MARCHF1: variants seen among roughly 807,000 people sequenced by gnomAD.
MARCHF1 encodes membrane associated ring-CH-type finger 1, also known as E3 ubiquitin-protein ligase MARCHF1.
Under a neutral mutation model 54.2 loss-of-function variants are expected in MARCHF1, and 40 were observed. The ratio of observed to expected loss-of-function variants is 0.74; its 90% CI spans 0.57 to 0.96. MARCHF1 has a LOEUF of 0.96. MARCHF1 is among the 40% of genes least tolerant of loss of function. The pLI is 0.00. For synonymous variants in MARCHF1, 236 were observed against 236.3 expected, an observed-to-expected ratio of 1.00 and a Z score of 0.01; for missense variants, 586 against 656.5, an observed-to-expected ratio of 0.89 and a Z score of 1.17.
intron 1 of MARCHF1, among the ~76,000 whole-genome samples, chr4:164,181,233 G>C (rs1430978): frequency 0.38 from 57,735 of 151,938 alleles, 12,462 homozygotes; most frequent in Non-Finnish European, 0.49. Context: ...GGCCTCCTTT[G>C]ACTAATTAAC....
chr4:163,691,251 C>T (rs781461976), intron 5 of MARCHF1, among the ~76,000 whole-genome samples: 52 of 152,304 alleles, frequency 3.4e-4, no homozygotes, highest in Non-Finnish European at 5.3e-4. Flanking sequence ...TTCACTGCCA[C>T]ACCATTTTTT....
chr4:163,778,453 C>T (rs1240022413), intron 4 of MARCHF1, among the ~76,000 whole-genome samples: 4 of 152,118 alleles, frequency 2.6e-5, no homozygotes, highest in Non-Finnish European at 5.9e-5. Context: ...CTATACTGAA[C>T]AATAAAGCTA....
intron 3 of MARCHF1, among the ~76,000 whole-genome samples, chr4:163,908,119 G>A (rs574557992): frequency 2.4e-4 from 37 of 152,190 alleles, no homozygotes; most frequent in African/African-American, 8.2e-4. Context: ...CAGCAATATA[G>A]GTTGGTAATA....
Position 163,662,668 on chromosome 4 carries a change from C to T in MARCHF1, c.162+38145G>A, listed in dbSNP as rs1743382958. The stretch of plus-strand genomic sequence containing the variant: ...ATATTAGTTGTATTACACACTCACT[C>T]AAAAGCTGATTAGGTCTATGTGTGT... On this transcript the variant is annotated intron_variant, in intron 5 of 9. Coordinates refer to ENST00000514618, the MANE Select transcript of MARCHF1 (RefSeq NM_001394959.1). 2.0e-5 allele frequency among the ~76,000 whole-genome samples: 3 copies of T among 151,978 alleles called. No individual in the cohort carries two copies. In the South Asian group the frequency reaches 6.2e-4, roughly 31 times the overall value.
rs142330105 is a variant in MARCHF1 at position 164,091,771 on chromosome 4, T to A, written c.-248+19817A>T. On this transcript the variant is annotated intron_variant, in intron 2 of 9. Transcript: ENST00000514618. Reference sequence around the variant, plus strand: ...ATATGTGACAAAAAACAGCATTTAATTAATTTTTGAAATTTCAGAGAAATT... The same window carrying A: ...ATATGTGACAAAAAACAGCATTTAAATAATTTTTGAAATTTCAGAGAAATT... Among the ~76,000 whole-genome samples, 519 of 152,160 alleles carry A rather than the reference T, an allele frequency of 3.4e-3. 6 individuals are homozygous for A. The highest frequency in any genetic ancestry group is 0.012 in the African/African-American group (482 of 41,540).
chr4:163,724,161 A>G (rs1342288226), intron 4 of MARCHF1, among the ~76,000 whole-genome samples: 1 of 151,960 alleles, frequency 6.6e-6, no homozygotes, highest in East Asian at 1.9e-4. Context: ...GGTTTTATCT[A>G]CCTTTGGTCT....
chr4:163,986,421 C>T (rs1028546803), intron 3 of MARCHF1, among the ~76,000 whole-genome samples: 2 of 151,658 alleles, frequency 1.3e-5, no homozygotes, highest in Non-Finnish European at 2.9e-5. Context: ...CCCACCACCA[C>T]ACCCGGCTAA....
intron 8 of MARCHF1, chr4:163,585,025 A>C (rs1012627239): frequency 1.3e-5 from 2 of 152,178 alleles, no homozygotes; most frequent in Non-Finnish European, 2.9e-5. Context: ...CCTTGTTTGT[A>C]TTGTTTACAA....
At chr4:164,065,091 G>C (rs944251924) in intron 2 of MARCHF1, among the ~76,000 whole-genome samples, 1 of 152,174 alleles carries the variant, frequency 6.6e-6, no homozygotes. Context: ...CGTTCATCAA[G>C]AATACTGACC....
In MARCHF1 at chr4:164,180,671, G is replaced by A. The variant is rs375624562; in HGVS notation, c.-322-69009C>T. Reference sequence around the variant, plus strand: ...GTCAAGACAGCTGAATATGAGTCTGGGCATCCAAAATTCACCCTAATCCTC... The same window carrying A: ...GTCAAGACAGCTGAATATGAGTCTGAGCATCCAAAATTCACCCTAATCCTC... On this transcript the variant is annotated intron_variant, in intron 1 of 9. Coordinates refer to ENST00000514618, the MANE Select transcript of MARCHF1 (RefSeq NM_001394959.1). Among the ~76,000 whole-genome samples, 19 of 152,122 alleles carry A rather than the reference G, an allele frequency of 1.2e-4. No homozygotes were observed. In the East Asian group the frequency reaches 3.5e-3, roughly 28 times the overall value.
chr4:164,101,486 C>A (rs562588919), intron 2 of MARCHF1, among the ~76,000 whole-genome samples: 40 of 125,728 alleles, frequency 3.2e-4, no homozygotes, highest in East Asian at 6.1e-4. Context: ...CTGGGAGGCA[C>A]CCCCCAGCAG....
chr4:163,764,054 T>C (rs1224775381), intron 4 of MARCHF1, among the ~76,000 whole-genome samples: 1 of 152,078 alleles, frequency 6.6e-6, no homozygotes, highest in Non-Finnish European at 1.5e-5. Flanking sequence ...GTAAACCTTC[T>C]CTTTTGCCAC....
chr4:163,780,723 GT>G (rs1275206933), intron 4 of MARCHF1, among the ~76,000 whole-genome samples: 1 of 152,196 alleles, frequency 6.6e-6, no homozygotes, highest in African/African-American at 2.4e-5. Context: ...GTGAACTGTT[GT>G]TTTTGGTTTT....
Position 164,031,055 on chromosome 4 carries a change from G to A in MARCHF1, c.-247-42346C>T, listed in dbSNP as rs28408196. Among the ~76,000 whole-genome samples the A allele has an allele frequency of 7.1e-3, 1,078 of 152,144 alleles. 16 individuals carry two copies. The highest frequency in any genetic ancestry group is 0.024 in the African/African-American group (1,010 of 41,504). ...ACTTCCTCTTTTCCTATCAGAATACGCTTTATTTCATTCTCTTGCCTGATT... is the reference window on the plus strand; with the variant it reads ...ACTTCCTCTTTTCCTATCAGAATACACTTTATTTCATTCTCTTGCCTGATT... On this transcript the variant is annotated intron_variant, in intron 2 of 9. Transcript: ENST00000514618.
intron 2 of MARCHF1, among the ~76,000 whole-genome samples, chr4:164,021,713 C>T (rs1207462513): frequency 2.0e-5 from 3 of 151,654 alleles, no homozygotes; most frequent in East Asian, 1.9e-4. Flanking sequence ...AAAATTTAGC[C>T]GGGCTTAGTG....
intron 4 of MARCHF1, among the ~76,000 whole-genome samples, chr4:163,847,964 G>A (rs1362305665): frequency 6.6e-6 from 1 of 152,100 alleles, no homozygotes; most frequent in Non-Finnish European, 1.5e-5. Context: ...CTAAAAATTA[G>A]AAGACCTAAA....
intron 4 of MARCHF1, among the ~76,000 whole-genome samples, chr4:163,712,198 C>G (rs1036534470): frequency 6.6e-6 from 1 of 152,108 alleles, no homozygotes; most frequent in Admixed American, 6.5e-5. Flanking sequence ...ATTAAAAGCA[C>G]TTTAATGGCC....
chr4:163,965,842 A>G (rs1752432997), intron 3 of MARCHF1, among the ~76,000 whole-genome samples: 2 of 152,078 alleles, frequency 1.3e-5, no homozygotes, highest in Admixed American at 1.3e-4. Context: ...ACAGATCGTG[A>G]TAGGTTCAAT....
intron 4 of MARCHF1, among the ~76,000 whole-genome samples, chr4:163,853,340 C>T (rs1052808299): frequency 1.3e-5 from 2 of 151,998 alleles, no homozygotes; most frequent in Non-Finnish European, 2.9e-5. Flanking sequence ...AACTTGGAAA[C>T]CGAATGGAAT....
Sources: gnomAD v4.1 joint callset for allele counts (sites outside exome capture counted in the v4.1 genomes callset) on GRCh38, gnomAD v4.1.1 for gene constraint, MANE v1.5 for transcripts, NCBI Gene and HGNC (gene_info 2026-07-23, HGNC 2026-07-21) for gene names.